Variants in PIEZO1 observed in about 807,000 individuals in gnomAD.
The protein encoded by PIEZO1 is piezo-type mechanosensitive ion channel component 1.
PIEZO1 carries 296 observed loss-of-function variants against 297.2 expected under a neutral mutation model. The observed-to-expected ratio is 1.00, with a 90% CI of 0.91 to 1.10. The LOEUF (loss-of-function observed/expected upper bound fraction) is 1.10, where lower values mean the gene tolerates loss of function less well. Ranked by LOEUF, PIEZO1 falls within the 50% of genes least tolerant of loss-of-function variation. The probability of loss-of-function intolerance (pLI) is 0.00; values close to 1 mark genes in which losing one functional copy is unlikely to be tolerated. For synonymous variants in PIEZO1, 2,427 were observed against 1,507.5 expected (o/e 1.61, Z -14.13); for missense variants, 5,018 against 3,455.5 (o/e 1.45, Z -11.34).
At chr16:88,737,694 C>G in intron 9 of PIEZO1, 34 bp downstream of exon 9, 2 of 1,533,842 alleles carry the variant, frequency 1.3e-6, no homozygotes, top group Non-Finnish European at 8.7e-7. Flanking sequence ...CGGGCGCCCC[C>G]CACGCTGGCG....
In PIEZO1 at chr16:88,719,846, G is replaced by T. The variant is rs1220269760; in HGVS notation, c.6279C>A (p.Phe2093Leu). 3 of 1,550,572 alleles carry T rather than the reference G, an allele frequency of 1.9e-6. No individual in the cohort carries two copies. Among genetic ancestry groups the T allele is most frequent in the Non-Finnish European group, 2.6e-6 (3 of 1,146,956 alleles). ...CGYPTRILGN[F>L]LTKKYNHLNL... is the part of the protein sequence containing the mutation. ...TGAGATGATTGTACTTCTTGGTGAG[G>T]AAGTTGCCGAGGATGCGGGTGGGGT... is the stretch of plus-strand genomic sequence containing the variant. The change falls in exon 43 of 51, where the codon TTC (phenylalanine) becomes TTA (leucine). Residue 2093 changes from phenylalanine (F) to leucine (L), a missense_variant. Coordinates refer to ENST00000301015, the MANE Select transcript of PIEZO1 (RefSeq NM_001142864.4).
At chr16:88,774,661 G>A (rs900785321) in intron 1 of PIEZO1, among the ~76,000 whole-genome samples, 2 of 152,220 alleles carry the variant, frequency 1.3e-5, no homozygotes, top group African/African-American at 4.8e-5. Flanking sequence ...GACCCATGAA[G>A]AAGGGCCGAC....
chr16:88,740,002 G>A (rs907468375), intron 5 of PIEZO1: 8 of 145,380 alleles, frequency 5.5e-5, no homozygotes, highest in Non-Finnish European at 1.1e-4. Flanking sequence ...TGAGGCCACC[G>A]AGGGGCAGGC....
intron 1 of PIEZO1, among the ~76,000 whole-genome samples, chr16:88,763,511 C>G (rs1032274270): frequency 2.6e-5 from 4 of 152,174 alleles, no homozygotes; most frequent in Admixed American, 6.5e-5. Flanking sequence ...GGCCTCATCC[C>G]GATTTAAAAA....
Position 88,757,323 on chromosome 16 carries a change from GGGGT to G in PIEZO1, c.65-7848_65-7845del, listed in dbSNP as rs1358057146. On this transcript the variant is annotated intron_variant, in intron 1 of 50. Coordinates refer to ENST00000301015, the MANE Select transcript of PIEZO1 (RefSeq NM_001142864.4). ...GTATGCAGGGGGCGTTGCTGGCGGG[GGGGT>G]GGGGGGTAGTTACCTAACCTGCCTG... 2.9e-4 allele frequency among the ~76,000 whole-genome samples: 29 copies of G among 98,640 alleles called. 3 individuals are homozygous for G. The East Asian group carries it at 3.5e-3, about 12-fold the overall frequency. 64.7% of individuals were successfully genotyped at this position (98,640 alleles called of 152,430 possible). A position where few individuals can be genotyped will look rare whatever the true frequency, so the allele number is the denominator to read the frequency against.
At chr16:88,749,766 A>G (rs546876958) in intron 1 of PIEZO1, among the ~76,000 whole-genome samples, 3 of 152,170 alleles carry the variant, frequency 2.0e-5, no homozygotes, top group Non-Finnish European at 2.9e-5. Context: ...AGTGGTTCAC[A>G]CCTGTCATCC....
Position 88,733,262 on chromosome 16 carries a change from C to T in PIEZO1, c.2664+16G>A, listed in dbSNP as rs958796194. The T allele has an allele frequency of 1.7e-5, 26 of 1,533,122 alleles. No homozygotes were observed. The highest frequency in any genetic ancestry group is 2.3e-5 in the Non-Finnish European group (26 of 1,132,890). 95.0% of individuals were successfully genotyped at this position (1,533,122 alleles called of 1,614,324 possible). On this transcript the variant is annotated intron_variant, in intron 19 of 50. Transcript: ENST00000301015. The stretch of plus-strand genomic sequence containing the variant: ...GCCTGGAGCTTCCTCCCGTCCCAGC[C>T]CTCGGGGGCCGGTACCTCGGTGCAG...
At chr16:88,725,765 C>G (rs769382660) in intron 27 of PIEZO1, 81 bp from the exon 28 acceptor site, 4 of 761,954 alleles carry the variant, frequency 5.2e-6, no homozygotes, top group Non-Finnish European at 9.1e-6. Context: ...CCGCTCAGCC[C>G]GGGACAGCTC....
chr16:88,741,299 C>G (rs529306514), intron 5 of PIEZO1, 179 bp downstream of exon 5: 1 of 593,598 alleles, frequency 1.7e-6, no homozygotes, highest in South Asian at 2.1e-5. Flanking sequence ...CAGGTCTGAA[C>G]GGATGGAACT....
chr16:88,726,742 G>A lies in PIEZO1; in HGVS notation c.3672C>T (p.Thr1224=), dbSNP rs551750587. Residue 1224 remains threonine (T), a synonymous_variant, in exon 25 of 51, where the codon ACC becomes ACT. Transcript: ENST00000301015. ...ACAGCATGTTCTTGGAGATGATGAC[G>A]GTGACGTTGTACAGAATGAGGCAGT... ...LWDCLILYNV[T]VIISKNMLSL... is the part of the protein sequence containing the mutation. The A allele has an allele frequency of 9.0e-5, 139 of 1,550,064 alleles. No individual in the cohort carries two copies. The highest frequency in any genetic ancestry group is 1.0e-4 in the Non-Finnish European group (117 of 1,146,788).
intron 2 of PIEZO1, chr16:88,743,567 C>G (rs970407309): frequency 2.2e-6 from 1 of 456,710 alleles, no homozygotes; most frequent in Non-Finnish European, 4.4e-6. Flanking sequence ...GGCGCAAACT[C>G]AGGGCCTGTG....
chr16:88,781,572 AG>A (rs1907939667), intron 1 of PIEZO1, among the ~76,000 whole-genome samples: 1 of 152,232 alleles, frequency 6.6e-6, no homozygotes, highest in Non-Finnish European at 1.5e-5. Context: ...GATGCTCAGA[AG>A]GGGCCCCCAA....
chr16:88,723,379 A>G, intron 31 of PIEZO1, 51 bp from the exon 32 acceptor site: 2 of 1,531,262 alleles, frequency 1.3e-6, no homozygotes, highest in Non-Finnish European at 1.7e-6. Context: ...CATCAGACCC[A>G]GGCGGGAAGC....
At position 88,734,505 on chromosome 16, in the gene PIEZO1, C is replaced by T. The variant is rs34908386; in HGVS notation, c.2031G>A (p.Val677=). The change falls in exon 16 of 51, where the codon GTG becomes GTA. Residue 677 remains valine (V), a synonymous_variant. Transcript: ENST00000301015. ...LGDLGLEQFS[V]SELFSSILVP... ...CCAGGATGCTGGAGAAGAGCTCGGA[C>T]ACGCTGAACTGCTCCAGGCCCAGGT... 201,495 of 1,547,312 alleles carry T rather than the reference C, an allele frequency of 0.13. 14,737 individuals are homozygous for T. Among genetic ancestry groups the T allele is most frequent in the African/African-American group, 0.23 (16,529 of 73,090 alleles).
Position 88,722,750 on chromosome 16 carries a change from G to A in PIEZO1, c.4669-61C>T, listed in dbSNP as rs866761953. Reference sequence around the variant, plus strand: ...AGCTCTTGTCCCCACACGGGGTTTCGTGCAGTGGGCGCGGGACTAGGCTGT... The same window carrying A: ...AGCTCTTGTCCCCACACGGGGTTTCATGCAGTGGGCGCGGGACTAGGCTGT... On this transcript the variant is annotated intron_variant, in intron 34 of 50. Coordinates refer to ENST00000301015, the MANE Select transcript of PIEZO1 (RefSeq NM_001142864.4). The A allele has an allele frequency of 1.6e-5, 25 of 1,527,892 alleles. 1 individual carries two copies. Among genetic ancestry groups the A allele is most frequent in the East Asian group, 7.4e-5 (3 of 40,724 alleles). 94.6% of individuals were successfully genotyped at this position (1,527,892 alleles called of 1,614,324 possible).
At chr16:88,771,522 C>A (rs1381844938) in intron 1 of PIEZO1, among the ~76,000 whole-genome samples, 1 of 152,374 alleles carries the variant, frequency 6.6e-6, no homozygotes. Context: ...CACGCAGCTG[C>A]TGGGCTCAGG....
chr16:88,751,718 G>A (rs994416814), intron 1 of PIEZO1, among the ~76,000 whole-genome samples: 15 of 151,416 alleles, frequency 9.9e-5, no homozygotes, highest in Non-Finnish European at 2.1e-4. Flanking sequence ...GAGGCAGGAG[G>A]AAAATGCATT....
At chr16:88,727,693 C>T (rs367824550) in intron 22 of PIEZO1, 32 bp from the exon 23 acceptor site, 37 of 1,185,054 alleles carry the variant, frequency 3.1e-5, no homozygotes, top group African/African-American at 1.9e-4. Context: ...CAGGAAGGGC[C>T]GGGCCTGCCT....
chr16:88,752,574 C>A (rs1195885435), intron 1 of PIEZO1, among the ~76,000 whole-genome samples: 2 of 152,218 alleles, frequency 1.3e-5, no homozygotes, highest in African/African-American at 4.8e-5. Flanking sequence ...GAGCCTGAGG[C>A]TGCAAGGGGC....
Sources: allele counts gnomAD v4.1 joint callset (sites outside exome capture counted in the v4.1 genomes callset), GRCh38; gene constraint gnomAD v4.1.1; transcripts MANE v1.5; gene names NCBI Gene and HGNC (gene_info 2026-07-23, HGNC 2026-07-21).